Variants in NEGR1 observed in about 807,000 individuals in gnomAD.
NEGR1 encodes the protein IgLON family member 4.
NEGR1 carries 10 observed loss-of-function variants against 40.9 expected under a neutral mutation model. The observed-to-expected ratio is 0.24, with a 90% confidence interval of 0.15 to 0.42. The LOEUF is 0.42. NEGR1 is among the 10% of genes least tolerant of loss of function. The probability of loss-of-function intolerance (pLI) is 1.00; values close to 1 mark genes in which losing one functional copy is unlikely to be tolerated. For missense variants in NEGR1, 352 were observed against 438.9 expected (o/e 0.80, Z 1.77); for synonymous variants, 185 against 166.8 (o/e 1.11, Z -0.84).
rs544844841 is a variant in NEGR1 at position 72,235,964 on chromosome 1, C to T, written c.176+46355G>A. ...GCCCAAAGGATTATAAATCATTCTACTATAAAGGCACATGCAAATGTATGT... is the reference window on the plus strand; with the variant it reads ...GCCCAAAGGATTATAAATCATTCTATTATAAAGGCACATGCAAATGTATGT... On this transcript the variant is annotated intron_variant, in intron 1 of 6. Transcript: ENST00000357731. Among the ~76,000 whole-genome samples, 335 of 152,146 alleles carry T rather than the reference C, an allele frequency of 2.2e-3. 1 individual carries two copies. Among genetic ancestry groups the T allele is most frequent in the African/African-American group, 7.6e-3 (314 of 41,540 alleles).
At chr1:71,637,427 AG>A (rs537120793) in intron 4 of NEGR1, among the ~76,000 whole-genome samples, 71 of 152,084 alleles carry the variant, frequency 4.7e-4, no homozygotes, top group Non-Finnish European at 9.9e-4. Flanking sequence ...AAATTAAAGG[AG>A]GGGGGTTAGT....
chr1:71,995,379 G>A (rs1050610034), intron 1 of NEGR1, among the ~76,000 whole-genome samples: 3 of 151,954 alleles, frequency 2.0e-5, no homozygotes, highest in African/African-American at 7.3e-5. Context: ...ATTATACCAT[G>A]AATAACATTG....
chr1:71,407,881 AGCT>A (rs1343856183), intron 6 of NEGR1: 2 of 244,036 alleles, frequency 8.2e-6, no homozygotes, highest in Non-Finnish European at 1.6e-5. Context: ...AGTACTCAAC[AGCT>A]ACTAACATTA....
intron 1 of NEGR1, among the ~76,000 whole-genome samples, chr1:72,070,679 A>G (rs1647424295): frequency 1.3e-5 from 2 of 152,050 alleles, no homozygotes; most frequent in African/African-American, 4.8e-5. Flanking sequence ...TAGTATTGGC[A>G]ATCCCTGACT....
intron 1 of NEGR1, among the ~76,000 whole-genome samples, chr1:72,052,323 G>A (rs540178825): frequency 2.6e-5 from 4 of 151,356 alleles, no homozygotes; most frequent in Non-Finnish European, 5.9e-5. Flanking sequence ...ATTGAACACA[G>A]GCTGCATAAT....
intron 6 of NEGR1, among the ~76,000 whole-genome samples, chr1:71,478,946 T>G (rs1386861866): frequency 4.6e-5 from 7 of 152,014 alleles, no homozygotes; most frequent in Admixed American, 4.6e-4. Flanking sequence ...GTGCCTCTGG[T>G]CTATGCAGTT....
intron 2 of NEGR1, among the ~76,000 whole-genome samples, chr1:71,809,105 C>A (rs1192756959): frequency 6.6e-6 from 1 of 152,122 alleles, no homozygotes; most frequent in Non-Finnish European, 1.5e-5. Context: ...CGGGGGGGCA[C>A]TGATAAGTGA....
intron 1 of NEGR1, among the ~76,000 whole-genome samples, chr1:72,145,792 A>G (rs1292359631): frequency 2.0e-5 from 3 of 152,192 alleles, no homozygotes; most frequent in Middle Eastern, 6.8e-3. Flanking sequence ...TCATAAAGCA[A>G]TACTACTAAC....
intron 6 of NEGR1, among the ~76,000 whole-genome samples, chr1:71,520,978 A>T (rs1413543173): frequency 6.6e-6 from 1 of 152,040 alleles, no homozygotes. Context: ...TGTTTGCATG[A>T]GATCCATGAT....
At chr1:71,785,376 A>G (rs11209843) in intron 2 of NEGR1, among the ~76,000 whole-genome samples, 18 of 152,184 alleles carry the variant, frequency 1.2e-4, no homozygotes, top group African/African-American at 4.3e-4. Flanking sequence ...ATAATTCTTA[A>G]GGCACCAACT....
intron 1 of NEGR1, among the ~76,000 whole-genome samples, chr1:71,981,971 T>C (rs1646358192): frequency 6.6e-6 from 1 of 152,120 alleles, no homozygotes. Flanking sequence ...ATTGTGGAGG[T>C]TGCAATAATG....
intron 1 of NEGR1, among the ~76,000 whole-genome samples, chr1:71,969,022 T>C (rs1319641992): frequency 2.8e-5 from 4 of 141,260 alleles, no homozygotes; most frequent in African/African-American, 1.0e-4. Context: ...TTTGTTTTTG[T>C]TTTTTTTTTG....
intron 1 of NEGR1, among the ~76,000 whole-genome samples, chr1:71,947,614 A>C (rs1646033110): frequency 2.0e-5 from 3 of 152,190 alleles, no homozygotes; most frequent in Admixed American, 2.0e-4. Flanking sequence ...TCAACATTTT[A>C]AATAGCCTCT....
At chr1:71,823,161 G>A (rs1486684012) in intron 2 of NEGR1, among the ~76,000 whole-genome samples, 2 of 151,300 alleles carry the variant, frequency 1.3e-5, no homozygotes, top group East Asian at 3.9e-4. Flanking sequence ...CCAATGTATA[G>A]AGTAATGGAG....
At chr1:71,727,300 CAT>C (rs1306686559) in intron 3 of NEGR1, among the ~76,000 whole-genome samples, 1 of 151,620 alleles carries the variant, frequency 6.6e-6, no homozygotes, top group African/African-American at 2.4e-5. Flanking sequence ...TTTAATATAC[CAT>C]ATAAAAACAA....
At chr1:71,633,344 G>C (rs550201614) in intron 4 of NEGR1, among the ~76,000 whole-genome samples, 11 of 152,148 alleles carry the variant, frequency 7.2e-5, no homozygotes, top group African/African-American at 2.6e-4. Flanking sequence ...AATGTTTATG[G>C]TTCTTAATTT....
At chr1:71,558,204 T>C (rs1197460073) in intron 6 of NEGR1, among the ~76,000 whole-genome samples, 2 of 151,588 alleles carry the variant, frequency 1.3e-5, no homozygotes, top group African/African-American at 4.8e-5. Context: ...AGTATCAGTA[T>C]CTACTCAGAA....
chr1:71,831,169 T>C (rs1342432502), intron 2 of NEGR1, among the ~76,000 whole-genome samples: 3 of 151,712 alleles, frequency 2.0e-5, no homozygotes, highest in Non-Finnish European at 4.4e-5. Context: ...TTTAGGACAG[T>C]GTCTTTTAGG....
chr1:71,862,671 T>C (rs1019801549), intron 2 of NEGR1, among the ~76,000 whole-genome samples: 3 of 152,072 alleles, frequency 2.0e-5, no homozygotes, highest in Non-Finnish European at 4.4e-5. Context: ...TCTAGTGCAA[T>C]GCTGGGTACA....
Sources: gnomAD v4.1 joint callset for allele counts (sites outside exome capture counted in the v4.1 genomes callset) on GRCh38, gnomAD v4.1.1 for gene constraint, MANE v1.5 for transcripts, NCBI Gene and HGNC (gene_info 2026-07-23, HGNC 2026-07-21) for gene names.